DLC1: variants seen among roughly 807,000 people sequenced by gnomAD.
The protein encoded by DLC1 is DLC1 Rho GTPase activating protein.
In DLC1, 54 loss-of-function variants were observed where a neutral mutation model predicts 140.3. The observed-to-expected ratio is 0.38, with a 90% confidence interval of 0.31 to 0.48. The LOEUF is 0.48. Among genes scored for constraint, DLC1 ranks in the 20% least tolerant of loss-of-function variants. The probability of loss-of-function intolerance (pLI) is 0.96; values close to 1 mark genes in which losing one functional copy is unlikely to be tolerated. For synonymous variants in DLC1, 986 were observed against 728.1 expected (o/e 1.35, Z -5.70); for missense variants, 2,536 against 1,907.0 (o/e 1.33, Z -6.14).
chr8:13,599,378 A>G (rs1362508935), intron 1 of DLC1, among the ~76,000 whole-genome samples: 1 of 152,004 alleles, frequency 6.6e-6, no homozygotes. Flanking sequence ...ACCTGTACAA[A>G]TCAATATCTA....
At chr8:13,177,768 C>T (rs1314556211) in intron 5 of DLC1, among the ~76,000 whole-genome samples, 1 of 152,114 alleles carries the variant, frequency 6.6e-6, no homozygotes, top group Non-Finnish European at 1.5e-5. Flanking sequence ...GACAGAGAAT[C>T]ATGTAAAAAC....
intron 1 of DLC1, among the ~76,000 whole-genome samples, chr8:13,599,184 A>T (rs1805781928): frequency 6.6e-6 from 1 of 151,912 alleles, no homozygotes; most frequent in South Asian, 2.1e-4. Context: ...TGTGAATAAG[A>T]CAAAGGGAAG....
chr8:13,515,060 A>G (rs1285578935), upstream of DLC1, among the ~76,000 whole-genome samples: 7 of 152,286 alleles, frequency 4.6e-5, no homozygotes, highest in East Asian at 3.9e-4. Context: ...GTAGAGTCAT[A>G]AAGTCCTAGA....
chr8:13,118,567 G>A (rs534756153), intron 5 of DLC1, among the ~76,000 whole-genome samples: 1 of 152,194 alleles, frequency 6.6e-6, no homozygotes, highest in South Asian at 2.1e-4. Context: ...AATCAGAATT[G>A]GAAAACTGTA....
chr8:13,440,613 T>C (rs1291907321), intron 2 of DLC1, among the ~76,000 whole-genome samples: 1 of 152,150 alleles, frequency 6.6e-6, no homozygotes, highest in Non-Finnish European at 1.5e-5. Flanking sequence ...CCATGGTAGT[T>C]GATATGGTTT....
intron 5 of DLC1, among the ~76,000 whole-genome samples, chr8:13,242,392 A>C (rs1934165577): frequency 7.0e-6 from 1 of 143,702 alleles, no homozygotes; most frequent in Non-Finnish European, 1.5e-5. Flanking sequence ...TCTCCCCATC[A>C]GTTTTTTTTT....
At chr8:13,502,706 G>A (rs1287268589) in intron 1 of DLC1, among the ~76,000 whole-genome samples, 1 of 152,092 alleles carries the variant, frequency 6.6e-6, no homozygotes, top group Non-Finnish European at 1.5e-5. Flanking sequence ...TCACTGGGCC[G>A]CCTTATTTAA....
chr8:13,324,444 T>C (rs1833255628), intron 4 of DLC1, among the ~76,000 whole-genome samples: 1 of 151,954 alleles, frequency 6.6e-6, no homozygotes, highest in Non-Finnish European at 1.5e-5. Flanking sequence ...GGCGGGCGCC[T>C]GTAGTCCCAG....
intron 1 of DLC1, among the ~76,000 whole-genome samples, chr8:13,511,338 T>G (rs1223483057): frequency 6.6e-6 from 1 of 152,164 alleles, no homozygotes; most frequent in Non-Finnish European, 1.5e-5. Flanking sequence ...TTTTTGGCAT[T>G]TGAGTCACTG....
At chr8:13,170,402 G>A (rs1386373249) in intron 5 of DLC1, among the ~76,000 whole-genome samples, 1 of 152,128 alleles carries the variant, frequency 6.6e-6, no homozygotes, top group Non-Finnish European at 1.5e-5. Flanking sequence ...ACATATAAAT[G>A]GCATACATTA....
At chr8:13,408,713 T>C (rs1046885140) in intron 2 of DLC1, among the ~76,000 whole-genome samples, 11 of 152,172 alleles carry the variant, frequency 7.2e-5, no homozygotes, top group African/African-American at 2.7e-4. Context: ...CATTATAGAA[T>C]ATAGGATCAG....
chr8:13,542,691 T>G (rs1042962701), intron 1 of DLC1, among the ~76,000 whole-genome samples: 3 of 152,202 alleles, frequency 2.0e-5, no homozygotes, highest in African/African-American at 4.8e-5. Flanking sequence ...GTTTTCAGTT[T>G]GTAGGCCTTA....
chr8:13,303,585 T>C (rs896340742), intron 5 of DLC1, among the ~76,000 whole-genome samples: 1 of 152,114 alleles, frequency 6.6e-6, no homozygotes, highest in South Asian at 2.1e-4. Flanking sequence ...GCGGATCACC[T>C]GAGCTCAGGA....
At chr8:13,350,027 G>A (rs1291823945) in intron 4 of DLC1, among the ~76,000 whole-genome samples, 2 of 152,248 alleles carry the variant, frequency 1.3e-5, no homozygotes, top group African/African-American at 4.8e-5. Context: ...TCTGTGATCA[G>A]AAACTAAAAT....
rs1188265 is a variant in DLC1 at position 13,280,902 on chromosome 8, A to G, written c.1348+24367T>C. On this transcript the variant is annotated intron_variant, in intron 5 of 17. Coordinates refer to ENST00000276297, the MANE Select transcript of DLC1 (RefSeq NM_182643.3). ...ATTATAACCCCATTGGTTAAGTCCTATGAGTGATCCAGCCCCTGAAACGGG... is the reference window on the plus strand; with the variant it reads ...ATTATAACCCCATTGGTTAAGTCCTGTGAGTGATCCAGCCCCTGAAACGGG... 2.7e-3 allele frequency among the ~76,000 whole-genome samples: 412 copies of G among 152,326 alleles called. 2 individuals carry two copies. Among genetic ancestry groups the G allele is most frequent in the African/African-American group, 9.4e-3 (392 of 41,582 alleles).
At chr8:13,406,977 T>C (rs1837595358) in intron 2 of DLC1, among the ~76,000 whole-genome samples, 1 of 152,240 alleles carries the variant, frequency 6.6e-6, no homozygotes, top group Admixed American at 6.5e-5. Flanking sequence ...AGAAACATCC[T>C]GTTGCTTTGG....
At chr8:13,385,117 C>T (rs917836578) in intron 4 of DLC1, among the ~76,000 whole-genome samples, 2 of 152,026 alleles carry the variant, frequency 1.3e-5, no homozygotes, top group African/African-American at 4.8e-5. Context: ...ATGGTGGGAG[C>T]GGCCCTGATT....
Position 13,306,556 on chromosome 8 carries a change from GTT to G in DLC1, c.1315-1256_1315-1255del, listed in dbSNP as rs1491105138. Among the ~76,000 whole-genome samples, 711 of 134,430 alleles carry G rather than the reference GTT, an allele frequency of 5.3e-3. 2 individuals are homozygous for G. Among genetic ancestry groups the G allele is most frequent in the South Asian group, 0.013 (54 of 4,174 alleles). The allele number at this position is 134,430 out of a possible 152,430, so 88.2% of individuals were successfully genotyped here. A position where few individuals can be genotyped will look rare whatever the true frequency, so the allele number is the denominator to read the frequency against. On this transcript the variant is annotated intron_variant, in intron 4 of 17. Transcript: ENST00000276297. The stretch of plus-strand genomic sequence containing the variant: ...CAAATGGGTATTTGTGTGTGTGTGT[GTT>G]TGTGTGTGTGTGTGTGTGTGTGTGT...
intron 4 of DLC1, chr8:13,340,105 G>A (rs561895113): frequency 6.6e-6 from 1 of 151,828 alleles, no homozygotes; most frequent in African/African-American, 2.4e-5. Context: ...AGGGAAGGAG[G>A]TCCTGGGGAG....
Sources: gnomAD v4.1 joint callset for allele counts (sites outside exome capture counted in the v4.1 genomes callset) on GRCh38, gnomAD v4.1.1 for gene constraint, MANE v1.5 for transcripts, NCBI Gene and HGNC (gene_info 2026-07-23, HGNC 2026-07-21) for gene names.